Variants in SHC4 observed in about 807,000 individuals in gnomAD.
SHC4 encodes SHC adaptor protein 4.
SHC4 carries 41 observed loss-of-function variants against 69.4 expected under a neutral mutation model. The ratio of observed to expected loss-of-function variants is 0.59; its 90% CI spans 0.46 to 0.77. The LOEUF (loss-of-function observed/expected upper bound fraction) is 0.77, where lower values mean the gene tolerates loss of function less well. SHC4 is among the 30% of genes least tolerant of loss of function. The pLI is 0.00. For synonymous variants in SHC4, 318 were observed against 299.3 expected, an observed-to-expected ratio of 1.06 and a Z score of -0.64; for missense variants, 777 against 783.8, an observed-to-expected ratio of 0.99 and a Z score of 0.10.
chr15:48,956,688 G>A (rs1217544652), intron 1 of SHC4, among the ~76,000 whole-genome samples: 1 of 152,146 alleles, frequency 6.6e-6, no homozygotes, highest in African/African-American at 2.4e-5. Context: ...ACCCATGCCA[G>A]TATAACACCC....
chr15:48,915,999 T>G (rs1708502693), intron 2 of SHC4, among the ~76,000 whole-genome samples: 1 of 152,144 alleles, frequency 6.6e-6, no homozygotes, highest in Admixed American at 6.5e-5. Flanking sequence ...AGAATCCACA[T>G]ACCATATGCT....
intron 1 of SHC4, among the ~76,000 whole-genome samples, chr15:48,930,595 C>A (rs776279331): frequency 6.6e-6 from 1 of 152,168 alleles, no homozygotes; most frequent in Non-Finnish European, 1.5e-5. Flanking sequence ...TACAATCGTG[C>A]CATTGCACTC....
chr15:48,854,626 AC>A (rs765825409), intron 8 of SHC4, among the ~76,000 whole-genome samples: 2 of 152,246 alleles, frequency 1.3e-5, no homozygotes, highest in Non-Finnish European at 2.9e-5. Flanking sequence ...ACCATGGAAT[AC>A]TATGCAGCCA....
At chr15:48,866,812 T>C (rs1357581961) in intron 6 of SHC4, among the ~76,000 whole-genome samples, 1 of 152,220 alleles carries the variant, frequency 6.6e-6, no homozygotes, top group Non-Finnish European at 1.5e-5. Flanking sequence ...ACTCCATACC[T>C]GGGACAGCAG....
chr15:48,849,104 T>C (rs1252197466), intron 9 of SHC4, among the ~76,000 whole-genome samples: 1 of 152,174 alleles, frequency 6.6e-6, no homozygotes, highest in Non-Finnish European at 1.5e-5. Flanking sequence ...ATCCTTAGGA[T>C]GCTGTTGTAG....
intron 10 of SHC4, among the ~76,000 whole-genome samples, chr15:48,842,778 A>C (rs1899016418): frequency 6.6e-6 from 1 of 152,126 alleles, no homozygotes; most frequent in Non-Finnish European, 1.5e-5. Flanking sequence ...AAAAAATACA[A>C]AAATTAGCTG....
intron 3 of SHC4, among the ~76,000 whole-genome samples, chr15:48,888,982 G>C (rs767328298): frequency 1.3e-5 from 2 of 152,022 alleles, no homozygotes; most frequent in Admixed American, 6.6e-5. Flanking sequence ...AGCCTAAAGT[G>C]CTGGAAAGAG....
At chr15:48,876,590 G>A (rs1313442798) in intron 4 of SHC4, 2 of 698,884 alleles carry the variant, frequency 2.9e-6, no homozygotes, top group Non-Finnish European at 5.2e-6. Context: ...AGGCTAAGGA[G>A]AGAGGAGAGC....
At chr15:48,960,124 C>T (rs999873454) in intron 1 of SHC4, among the ~76,000 whole-genome samples, 3 of 152,234 alleles carry the variant, frequency 2.0e-5, no homozygotes, top group Non-Finnish European at 4.4e-5. Flanking sequence ...GTGGGGTCAG[C>T]ACTTTTTCTG....
Position 48,896,909 on chromosome 15 carries a change from G to C in SHC4, c.657-6098C>G, listed in dbSNP as rs74454492. Among the ~76,000 whole-genome samples the C allele has an allele frequency of 2.9e-3, 445 of 152,290 alleles. 1 individual carries two copies. Among genetic ancestry groups the C allele is most frequent in the African/African-American group, 0.01 (436 of 41,544 alleles). On this transcript the variant is annotated intron_variant, in intron 2 of 11. Transcript: ENST00000332408. Reference sequence around the variant, plus strand: ...ACTGTAACATTTTCAAGAACAAATAGTACTTTCAGTGCTTTTCTGGAGTCT... The same window carrying C: ...ACTGTAACATTTTCAAGAACAAATACTACTTTCAGTGCTTTTCTGGAGTCT...
intron 1 of SHC4, among the ~76,000 whole-genome samples, chr15:48,952,791 A>C (rs1364163481): frequency 6.6e-6 from 1 of 152,228 alleles, no homozygotes; most frequent in African/African-American, 2.4e-5. Flanking sequence ...GATTGTGGAG[A>C]AAAGGGAATG....
At chr15:48,907,776 A>T (rs1189024454) in intron 2 of SHC4, among the ~76,000 whole-genome samples, 2 of 150,920 alleles carry the variant, frequency 1.3e-5, no homozygotes, top group Admixed American at 6.6e-5. Flanking sequence ...TCCATCATAT[A>T]TATATATATA....
Position 48,843,473 on chromosome 15 carries a change from A to G in SHC4, c.1419T>C (p.Ser473=), listed in dbSNP as rs1351591215. 2 of 1,614,188 alleles carry G rather than the reference A, an allele frequency of 1.2e-6. No homozygotes were observed. Among genetic ancestry groups the G allele is most frequent in the East Asian group, 2.2e-5 (1 of 44,894 alleles). ...PCYINTQALQ[S]TPGSAGNQRS... is the part of the protein sequence containing the mutation. ...TTTGATTTCCAGCAGAGCCAGGTGTACTTTGAAGAGCCTGTGTATTAATGT... is the reference window on the plus strand; with the variant it reads ...TTTGATTTCCAGCAGAGCCAGGTGTGCTTTGAAGAGCCTGTGTATTAATGT... The change falls in exon 10 of 12, where the codon AGT becomes AGC. Residue 473 remains serine, a synonymous_variant. Coordinates refer to ENST00000332408, the MANE Select transcript of SHC4 (RefSeq NM_203349.4).
intron 10 of SHC4, among the ~76,000 whole-genome samples, chr15:48,842,643 A>G (rs926642990): frequency 1.3e-5 from 2 of 152,192 alleles, no homozygotes; most frequent in South Asian, 2.1e-4. Context: ...TCAAAAAGAT[A>G]AATTCAAGGC....
At chr15:48,844,375 G>C (rs1039693847) in intron 9 of SHC4, among the ~76,000 whole-genome samples, 1 of 152,132 alleles carries the variant, frequency 6.6e-6, no homozygotes, top group Non-Finnish European at 1.5e-5. Flanking sequence ...TGTAGGCCTT[G>C]CTCTGTCTAC....
intron 8 of SHC4, among the ~76,000 whole-genome samples, chr15:48,851,949 T>C (rs2140979962): frequency 6.6e-6 from 1 of 152,268 alleles, no homozygotes; most frequent in South Asian, 2.1e-4. Context: ...CATATTTTCA[T>C]GGTAGAATCC....
chr15:48,877,518 A>G, intron 4 of SHC4: 1 of 984,896 alleles, frequency 1.0e-6, no homozygotes, highest in Non-Finnish European at 1.2e-6. Flanking sequence ...TGCTGTCAAT[A>G]CATAAAGATA....
At chr15:48,953,487 C>A (rs1037054214) in intron 1 of SHC4, among the ~76,000 whole-genome samples, 3 of 152,152 alleles carry the variant, frequency 2.0e-5, no homozygotes, top group East Asian at 1.9e-4. Context: ...CATTTCAATA[C>A]TGATGCTTGC....
intron 1 of SHC4, among the ~76,000 whole-genome samples, chr15:48,940,465 G>A (rs765214813): frequency 3.9e-5 from 6 of 152,170 alleles, no homozygotes; most frequent in Admixed American, 1.3e-4. Flanking sequence ...GGAACTCTGT[G>A]TATTCACAAA....
Sources: allele counts gnomAD v4.1 joint callset (sites outside exome capture counted in the v4.1 genomes callset), GRCh38; gene constraint gnomAD v4.1.1; transcripts MANE v1.5; gene names NCBI Gene and HGNC (gene_info 2026-07-23, HGNC 2026-07-21).